ATRIP: variants seen among roughly 807,000 people sequenced by gnomAD.
ATRIP encodes the protein ATR interacting protein.
ATRIP carries 44 observed loss-of-function variants against 78.1 expected under a neutral mutation model. The observed-to-expected ratio is 0.56, with a 90% CI of 0.44 to 0.72. The LOEUF is 0.72. ATRIP is among the 30% of genes least tolerant of loss of function. The pLI, the probability that ATRIP is intolerant of heterozygous loss-of-function variation, is 0.00. For synonymous variants in ATRIP, 388 were observed against 408.9 expected (o/e 0.95, Z 0.62); for missense variants, 927 against 980.2 (o/e 0.95, Z 0.72).
At chr3:48,448,939 A>T (rs144014134) in intron 1 of ATRIP, among the ~76,000 whole-genome samples, 323 of 152,294 alleles carry the variant, frequency 2.1e-3, no homozygotes, top group African/African-American at 7.1e-3. Flanking sequence ...AATTTTGCTC[A>T]CTATTGTACC....
chr3:48,466,658 G>C lies in ATRIP; in HGVS notation c.*1104G>C. 3 of 1,613,838 alleles carry C rather than the reference G, an allele frequency of 1.9e-6. No homozygotes were observed. In the South Asian group the frequency reaches 3.3e-5, roughly 18 times the overall value. On this transcript the variant is annotated 3_prime_UTR_variant, in exon 13 of 13. Transcript: ENST00000320211. ...CAGCAGCAGGTACGTACCCAACCAT[G>C]GGCTCGCAGGCCCTGCCCCCGGGGC...
At chr3:48,447,254 T>A (rs2039703004) in intron 1 of ATRIP, 162 bp downstream of exon 1, 1 of 1,267,482 alleles carries the variant, frequency 7.9e-7, no homozygotes, top group African/African-American at 1.6e-5. Context: ...AGAAGGTCCT[T>A]TGATTTTAGG....
chr3:48,451,859 C>T lies in ATRIP; in HGVS notation c.512C>T (p.Thr171Ile), dbSNP rs374427312. The change falls in exon 3 of 13, where the codon ACC becomes ATC. Residue 171 changes from threonine (T) to isoleucine (I), a missense_variant. Transcript: ENST00000320211. ...CATTTTCTTCTTGAGCAAGAGAAAA[C>T]CCAAGCACTCAGTGACAAGGAAAAG... ...RSHFLLEQEK[T>I]QALSDKEKEF... 4 of 1,610,828 alleles carry T rather than the reference C, an allele frequency of 2.5e-6. No homozygotes were observed. Among genetic ancestry groups the T allele is most frequent in the Non-Finnish European group, 3.4e-6 (4 of 1,178,128 alleles).
chr3:48,465,371 C>A (rs2040251373), intron 12 of ATRIP, 116 bp from the exon 13 acceptor site: 2 of 1,051,864 alleles, frequency 1.9e-6, no homozygotes, highest in Non-Finnish European at 2.8e-6. Context: ...GGGAGCAGGG[C>A]CTGGGTGTGG....
At chr3:48,460,045 G>A in intron 7 of ATRIP, 65 bp from the exon 8 acceptor site, 1 of 1,557,530 alleles carries the variant, frequency 6.4e-7, no homozygotes, top group Non-Finnish European at 8.7e-7. Flanking sequence ...CAGGCAGGCT[G>A]TTTGGGGCTC....
At position 48,466,675 on chromosome 3, in the gene ATRIP, C is replaced by G. The variant is rs753028146; in HGVS notation, c.*1121C>G. The G allele has an allele frequency of 1.9e-6, 3 of 1,614,032 alleles. No individual in the cohort carries two copies. Among genetic ancestry groups the G allele is most frequent in the Non-Finnish European group, 8.5e-7 (1 of 1,179,990 alleles). ...CCAACCATGGGCTCGCAGGCCCTGC[C>G]CCCGGGGCCCATGCAGACCCTCATC... On this transcript the variant is annotated 3_prime_UTR_variant, in exon 13 of 13. Transcript: ENST00000320211.
rs182124981 is a variant in ATRIP at position 48,465,688 on chromosome 3, C to A, written c.*134C>A. ...TGTTTCCTGAGTCTGATCTGTTTGG[C>A]GGAGTGGGAGGGGTGGAGCAGGACC... On this transcript the variant is annotated 3_prime_UTR_variant, in exon 13 of 13. Transcript: ENST00000320211. The A allele has an allele frequency of 1.1e-6, 1 of 920,160 alleles. No individual in the cohort carries two copies. Among genetic ancestry groups the A allele is most frequent in the Non-Finnish European group, 1.7e-6 (1 of 606,004 alleles). The allele number at this position is 920,160 out of a possible 1,614,324, so 57.0% of individuals were successfully genotyped here.
Position 48,447,070 on chromosome 3 carries a change from G to C in ATRIP, c.225G>C (p.Pro75=). 1 of 1,561,886 alleles carries C rather than the reference G, an allele frequency of 6.4e-7. No individual in the cohort carries two copies. The highest frequency in any genetic ancestry group is 8.6e-7 in the Non-Finnish European group (1 of 1,157,278). ...CGTCACAGGCCCTGAGCCAATGTCCGGCCGCGGCTCGGGACGTGTCCAGTG... is the reference window on the plus strand; with the variant it reads ...CGTCACAGGCCCTGAGCCAATGTCCCGCCGCGGCTCGGGACGTGTCCAGTG... ...TLASQALSQC[P]AAARDVSSDH... Residue 75 remains proline (P), a synonymous_variant, in exon 1 of 13, where the codon CCG becomes CCC. Coordinates refer to ENST00000320211, the MANE Select transcript of ATRIP (RefSeq NM_130384.3).
intron 1 of ATRIP, 44 bp from the exon 2 acceptor site, chr3:48,449,993 G>A (rs777947471): frequency 6.5e-7 from 1 of 1,543,074 alleles, no homozygotes; most frequent in Non-Finnish European, 8.7e-7. Context: ...GCAAAAGTGG[G>A]AAAATATTGG....
chr3:48,452,166 T>C (rs915501463), intron 3 of ATRIP, among the ~76,000 whole-genome samples: 1 of 152,210 alleles, frequency 6.6e-6, no homozygotes, highest in African/African-American at 2.4e-5. Context: ...ACATTAAGGC[T>C]CTTTTGCTAG....
chr3:48,466,872 C>G lies in ATRIP; in HGVS notation c.*1318C>G. On this transcript the variant is annotated 3_prime_UTR_variant, in exon 13 of 13. Coordinates refer to ENST00000320211, the MANE Select transcript of ATRIP (RefSeq NM_130384.3). ...AGACAAGCTCTCCCTGTGTGTGGCTCCGGGGAAGGCCTGCAGCCCTGCAGC... is the reference window on the plus strand; with the variant it reads ...AGACAAGCTCTCCCTGTGTGTGGCTGCGGGGAAGGCCTGCAGCCCTGCAGC... The G allele has an allele frequency of 6.2e-7, 1 of 1,613,412 alleles. No individual in the cohort carries two copies. Among genetic ancestry groups the G allele is most frequent in the Non-Finnish European group, 8.5e-7 (1 of 1,180,016 alleles).
rs1236256990 is a variant in ATRIP at position 48,466,312 on chromosome 3, G to T, written c.*758G>T. 8 of 768,848 alleles carry T rather than the reference G, an allele frequency of 1.0e-5. No individual in the cohort carries two copies. Among genetic ancestry groups the T allele is most frequent in the East Asian group, 2.7e-5 (1 of 37,150 alleles). The allele number at this position is 768,848 out of a possible 1,614,324, so 47.6% of individuals were successfully genotyped here. On this transcript the variant is annotated 3_prime_UTR_variant, in exon 13 of 13. Coordinates refer to ENST00000320211, the MANE Select transcript of ATRIP (RefSeq NM_130384.3). The stretch of plus-strand genomic sequence containing the variant: ...TGCCTGCCTGCCTGCCTGCTACGGT[G>T]AGTGTGGCCCCCACAATGGGATGGC...
rs1222805604 is a variant in ATRIP at position 48,450,189 on chromosome 3, G to A, written c.381+19G>A. ...AGAAAAGGTAAGTGACTTAACTTGT[G>A]GTTTTTGTAGCTAATTCATTCACTT... On this transcript the variant is annotated intron_variant, in intron 2 of 12. Coordinates refer to ENST00000320211, the MANE Select transcript of ATRIP (RefSeq NM_130384.3). The A allele has an allele frequency of 6.3e-7, 1 of 1,598,720 alleles. No individual in the cohort carries two copies.
At position 48,446,783 on chromosome 3, in the gene ATRIP, C is replaced by T. The variant is rs746534842; in HGVS notation, c.-63C>T. The T allele has an allele frequency of 1.0e-3, 1,372 of 1,353,350 alleles. No homozygotes were observed. Among genetic ancestry groups the T allele is most frequent in the Middle Eastern group, 1.5e-3 (5 of 3,414 alleles). The allele number at this position is 1,353,350 out of a possible 1,614,324, so 83.8% of individuals were successfully genotyped here. On this transcript the variant is annotated 5_prime_UTR_variant, in exon 1 of 13. Coordinates refer to ENST00000320211, the MANE Select transcript of ATRIP (RefSeq NM_130384.3). ...CGGCGCGCGGACGGTTGGTCCAGTT[C>T]TCCGGCCTGGCGGCAGGCAAGTCTA...
In ATRIP at chr3:48,457,324, C is replaced by T. The variant is rs1301434256; in HGVS notation, c.737C>T (p.Ser246Phe). ...EACSPQFGKT[S>F]FPTKESFSAN... ...TGTTCTCCACAATTTGGAAAAACAT[C>T]TTTTCCTACAAAGGAGTCTTTTAGT... The change falls in exon 5 of 13, where the codon TCT (serine) becomes TTT (phenylalanine). Residue 246 changes from serine (S) to phenylalanine (F), a missense_variant. Transcript: ENST00000320211. 6.2e-7 allele frequency: 1 copy of T among 1,607,508 alleles called. No homozygotes were observed. The highest frequency in any genetic ancestry group is 1.7e-5 in the Admixed American group (1 of 58,970).
At chr3:48,448,064 G>C (rs904224965) in intron 1 of ATRIP, among the ~76,000 whole-genome samples, 1 of 151,668 alleles carries the variant, frequency 6.6e-6, no homozygotes, top group East Asian at 1.9e-4. Flanking sequence ...CCCATTTCCA[G>C]TCTTGACTCC....
In ATRIP at chr3:48,467,297, C is replaced by G. The variant is rs1228989489; in HGVS notation, c.*1743C>G. ...GCATCTGTCAGTGGAGACCACAGGCCCTGCTGCGGTGGGTGGATGCTCACG... is the reference window on the plus strand; with the variant it reads ...GCATCTGTCAGTGGAGACCACAGGCGCTGCTGCGGTGGGTGGATGCTCACG... On this transcript the variant is annotated 3_prime_UTR_variant, in exon 13 of 13. Transcript: ENST00000320211. The G allele has an allele frequency of 2.5e-6, 4 of 1,614,158 alleles. No homozygotes were observed. Among genetic ancestry groups the G allele is most frequent in the Non-Finnish European group, 2.5e-6 (3 of 1,180,030 alleles).
Position 48,446,949 on chromosome 3 carries a change from G to T in ATRIP, c.104G>T (p.Arg35Leu). 2 of 1,526,626 alleles carry T rather than the reference G, an allele frequency of 1.3e-6. No homozygotes were observed. Among genetic ancestry groups the T allele is most frequent in the Non-Finnish European group, 8.8e-7 (1 of 1,139,480 alleles). 94.6% of individuals were successfully genotyped at this position (1,526,626 alleles called of 1,614,324 possible). Residue 35 changes from arginine to leucine, a missense_variant, in exon 1 of 13, where the codon CGG (arginine) becomes CTG (leucine). By Grantham distance (102) the Arg-to-Leu change is moderately radical (BLOSUM62 -2). Coordinates refer to ENST00000320211, the MANE Select transcript of ATRIP (RefSeq NM_130384.3). ...GTGHPPSKRA[R>L]GFSAAAAPDP... is the part of the protein sequence containing the mutation. ...GGGCACCCCCCGAGCAAGCGGGCCC[G>T]GGGCTTCTCCGCAGCCGCTGCCCCG...
chr3:48,451,823 A>G lies in ATRIP; in HGVS notation c.476A>G (p.Gln159Arg), dbSNP rs1296459909. ...CAGACGGAATCCGTTCTAGAGGAACAGAGAAGATCACATTTTCTTCTTGAG... is the reference window on the plus strand; with the variant it reads ...CAGACGGAATCCGTTCTAGAGGAACGGAGAAGATCACATTTTCTTCTTGAG... ...LHQTESVLEE[Q>R]RRSHFLLEQE... The change falls in exon 3 of 13, where the codon CAG becomes CGG. Residue 159 changes from glutamine (Q) to arginine (R), a missense_variant. Gln to Arg is a conservative substitution (Grantham distance 43, BLOSUM62 1). Transcript: ENST00000320211. 1.2e-6 allele frequency: 2 copies of G among 1,613,168 alleles called. No homozygotes were observed. The highest frequency in any genetic ancestry group is 8.5e-7 in the Non-Finnish European group (1 of 1,179,358).
Sources: gnomAD v4.1 joint callset for allele counts (sites outside exome capture counted in the v4.1 genomes callset) on GRCh38, gnomAD v4.1.1 for gene constraint, MANE v1.5 for transcripts, NCBI Gene and HGNC (gene_info 2026-07-23, HGNC 2026-07-21) for gene names.